RANBP9: variants seen among roughly 807,000 people sequenced by gnomAD.
The protein encoded by RANBP9 is ran-binding protein 9.
In RANBP9, 15 loss-of-function variants were observed where a neutral mutation model predicts 84.3. The ratio of observed to expected loss-of-function variants is 0.18; its 90% CI spans 0.12 to 0.27. RANBP9 has a LOEUF of 0.27. RANBP9 is among the 10% of genes least tolerant of loss of function. The pLI is 1.00. For missense variants in RANBP9, 809 were observed against 912.8 expected (o/e 0.89, Z 1.46); for synonymous variants, 392 against 349.6 (o/e 1.12, Z -1.35).
intron 3 of RANBP9, among the ~76,000 whole-genome samples, chr6:13,658,327 G>A (rs1765456710): frequency 6.6e-6 from 1 of 152,230 alleles, no homozygotes; most frequent in Non-Finnish European, 1.5e-5. Context: ...CCGCTCAGCA[G>A]GCTGGGCATG....
chr6:13,656,571 C>G (rs988815577), intron 4 of RANBP9, among the ~76,000 whole-genome samples: 2 of 152,030 alleles, frequency 1.3e-5, no homozygotes, highest in African/African-American at 4.8e-5. Context: ...GTTTTTTATT[C>G]TCAGTTTTGT....
chr6:13,649,822 C>G lies in RANBP9; in HGVS notation c.927+2837G>C, dbSNP rs572672194. On this transcript the variant is annotated intron_variant, in intron 5 of 13. Coordinates refer to ENST00000011619, the MANE Select transcript of RANBP9 (RefSeq NM_005493.3). ...CCTATAACTCACCTATTCCTAAAAT[C>G]CATTCCAATCAGGATGTCTCCATCC... Among the ~76,000 whole-genome samples the G allele has an allele frequency of 1.7e-3, 262 of 152,262 alleles. 2 individuals carry two copies. Among genetic ancestry groups the G allele is most frequent in the Admixed American group, 3.2e-3 (49 of 15,292 alleles).
chr6:13,682,348 T>C (rs1766062822), intron 2 of RANBP9, among the ~76,000 whole-genome samples: 1 of 150,872 alleles, frequency 6.6e-6, no homozygotes. Flanking sequence ...CACAGTATTT[T>C]GAATATCCAT....
chr6:13,710,972 G>A lies in RANBP9; in HGVS notation c.534C>T (p.Ile178=), dbSNP rs375534255. 19 of 1,609,910 alleles carry A rather than the reference G, an allele frequency of 1.2e-5. No homozygotes were observed. The highest frequency in any genetic ancestry group is 4.4e-5 in the South Asian group (4 of 90,390). ...SWSPKDKFSY[I]GLSQNNLRVH... ...CCCGCAGGTTGTTCTGAGAGAGGCC[G>A]ATGTAGCTGAACTTGTCCTTCGGGC... The change falls in exon 1 of 14, where the codon ATC becomes ATT. Residue 178 remains isoleucine (I), a synonymous_variant. Transcript: ENST00000011619.
At chr6:13,663,363 C>T (rs1765576292) in intron 2 of RANBP9, among the ~76,000 whole-genome samples, 1 of 151,966 alleles carries the variant, frequency 6.6e-6, no homozygotes, top group Non-Finnish European at 1.5e-5. Flanking sequence ...GTGAAACAAA[C>T]ACATTTTCAG....
chr6:13,654,745 G>C (rs1765363445), intron 4 of RANBP9, among the ~76,000 whole-genome samples: 1 of 152,166 alleles, frequency 6.6e-6, no homozygotes, highest in South Asian at 2.1e-4. Flanking sequence ...GGTTGCTAAT[G>C]AAATTTTATT....
intron 8 of RANBP9, among the ~76,000 whole-genome samples, 191 bp from the exon 9 acceptor site, chr6:13,639,944 G>C (rs1765025248): frequency 6.6e-6 from 1 of 152,022 alleles, no homozygotes; most frequent in Non-Finnish European, 1.5e-5. Context: ...AAAAATGAGA[G>C]TACAATGTAA....
At chr6:13,710,469 C>A (rs1320431882) in intron 1 of RANBP9, among the ~76,000 whole-genome samples, 1 of 152,114 alleles carries the variant, frequency 6.6e-6, no homozygotes, top group Admixed American at 6.5e-5. Context: ...CCCTGTGTAT[C>A]CCTGCTCTCT....
At chr6:13,680,626 C>A (rs1050016906) in intron 2 of RANBP9, among the ~76,000 whole-genome samples, 3 of 151,850 alleles carry the variant, frequency 2.0e-5, no homozygotes, top group Admixed American at 1.3e-4. Flanking sequence ...CATAGTGGTG[C>A]GCACCTGTAC....
At chr6:13,652,101 CT>C (rs1562305636) in intron 5 of RANBP9, among the ~76,000 whole-genome samples, 1 of 152,220 alleles carries the variant, frequency 6.6e-6, no homozygotes. Context: ...CTTGTACAAC[CT>C]TGTGTCCTAC....
intron 2 of RANBP9, among the ~76,000 whole-genome samples, chr6:13,661,080 C>T (rs763950648): frequency 5.3e-5 from 8 of 152,148 alleles, no homozygotes; most frequent in Non-Finnish European, 1.2e-4. Context: ...TGCTTAAAGC[C>T]AAAGGCTGGA....
At chr6:13,699,243 C>T (rs1418834292) in intron 1 of RANBP9, among the ~76,000 whole-genome samples, 1 of 152,052 alleles carries the variant, frequency 6.6e-6, no homozygotes, top group Admixed American at 6.6e-5. Flanking sequence ...TATAAAGTAC[C>T]AGTTATAAAT....
rs35496559 is a variant in RANBP9 at position 13,674,083 on chromosome 6, C to CAA, written c.684-15253_684-15252dup. On this transcript the variant is annotated intron_variant, in intron 2 of 13. Coordinates refer to ENST00000011619, the MANE Select transcript of RANBP9 (RefSeq NM_005493.3). Reference sequence around the variant, plus strand: ...TGGGTGACAGAGGGAGACCTTGTCTCAAAAAAAAAAAAAAAGTACATTTTA... The same window carrying CAA: ...TGGGTGACAGAGGGAGACCTTGTCTCAAAAAAAAAAAAAAAAAGTACATTTTA... Among the ~76,000 whole-genome samples the CAA allele has an allele frequency of 5.5e-3, 519 of 94,594 alleles. 6 individuals are homozygous for CAA. Among genetic ancestry groups the CAA allele is most frequent in the African/African-American group, 0.019 (496 of 25,592 alleles). The allele number at this position is 94,594 out of a possible 152,430, so 62.1% of individuals were successfully genotyped here. A position where few individuals can be genotyped will look rare whatever the true frequency, so the allele number is the denominator to read the frequency against.
Position 13,711,353 on chromosome 6 carries a change from G to A in RANBP9, c.153C>T (p.Pro51=), listed in dbSNP as rs1041840029. 93 of 1,145,680 alleles carry A rather than the reference G, an allele frequency of 8.1e-5. No individual in the cohort carries two copies. Among genetic ancestry groups the A allele is most frequent in the Middle Eastern group, 3.6e-4 (1 of 2,754 alleles). The allele number at this position is 1,145,680 out of a possible 1,614,324, so 71.0% of individuals were successfully genotyped here. The change falls in exon 1 of 14, where the codon CCC becomes CCT. Residue 51 remains proline, a synonymous_variant. Transcript: ENST00000011619. ...AGCCTTCGCCGCCCGCACCGCCGCC[G>A]GGCGAGCCGGCCGGAGAAGAGCCGG... is the stretch of plus-strand genomic sequence containing the variant. The part of the protein sequence containing the change: ...VSAGSSPAGS[P]GGGAGGEGLG...
Position 13,672,939 on chromosome 6 carries a change from A to G in RANBP9, c.684-14107T>C, listed in dbSNP as rs534863513. Among the ~76,000 whole-genome samples the G allele has an allele frequency of 2.0e-5, 3 of 152,296 alleles. No individual in the cohort carries two copies. The South Asian group carries it at 6.2e-4, about 32-fold the overall frequency. Reference sequence around the variant, plus strand: ...CAACTATAAAAGGTGAAAAATATTCATAATAGTAATGCTAGAAGGAGAAGA... The same window carrying G: ...CAACTATAAAAGGTGAAAAATATTCGTAATAGTAATGCTAGAAGGAGAAGA... On this transcript the variant is annotated intron_variant, in intron 2 of 13. Transcript: ENST00000011619.
intron 2 of RANBP9, among the ~76,000 whole-genome samples, chr6:13,691,905 A>T (rs535800465): frequency 6.6e-6 from 1 of 152,148 alleles, no homozygotes; most frequent in Non-Finnish European, 1.5e-5. Context: ...TGACCTCATG[A>T]TCCACCGGCA....
At chr6:13,680,015 G>C (rs1034207548) in intron 2 of RANBP9, among the ~76,000 whole-genome samples, 1 of 152,044 alleles carries the variant, frequency 6.6e-6, no homozygotes, top group Non-Finnish European at 1.5e-5. Flanking sequence ...GGAACACAAA[G>C]TAAAAGACCC....
At chr6:13,635,884 T>C (rs1255152265) in intron 10 of RANBP9, among the ~76,000 whole-genome samples, 1 of 152,026 alleles carries the variant, frequency 6.6e-6, no homozygotes, top group Non-Finnish European at 1.5e-5. Flanking sequence ...TAAGAGCCTC[T>C]GAGGTATGAT....
At chr6:13,698,039 T>TC (rs1757883535) in intron 1 of RANBP9, among the ~76,000 whole-genome samples, 1 of 152,190 alleles carries the variant, frequency 6.6e-6, no homozygotes, top group East Asian at 1.9e-4. Context: ...GATCATATCC[T>TC]CCCTTACCAC....
Sources: allele counts gnomAD v4.1 joint callset (sites outside exome capture counted in the v4.1 genomes callset), GRCh38; gene constraint gnomAD v4.1.1; transcripts MANE v1.5; gene names NCBI Gene and HGNC (gene_info 2026-07-23, HGNC 2026-07-21).